Variants in CNTN4 observed in about 807,000 individuals in gnomAD.
CNTN4 encodes the protein contactin 4.
Under a neutral mutation model 122.5 loss-of-function variants are expected in CNTN4, and 77 were observed. The ratio of observed to expected loss-of-function variants is 0.63; its 90% CI spans 0.52 to 0.76. The LOEUF (loss-of-function observed/expected upper bound fraction) is 0.76, where lower values mean the gene tolerates loss of function less well. Among genes scored for constraint, CNTN4 ranks in the 30% least tolerant of loss-of-function variants. The pLI is 0.00. For missense variants in CNTN4, 1,256 were observed against 1,259.1 expected (o/e 1.00, Z 0.04); for synonymous variants, 512 against 447.0 (o/e 1.15, Z -1.83).
intron 6 of CNTN4, among the ~76,000 whole-genome samples, chr3:2,811,142 G>C (rs945231010): frequency 6.6e-6 from 1 of 152,060 alleles, no homozygotes; most frequent in African/African-American, 2.4e-5. Context: ...AGGTGCGGTG[G>C]CTCACACCTG....
chr3:2,489,409 C>A (rs746461847), intron 3 of CNTN4, among the ~76,000 whole-genome samples: 3 of 152,126 alleles, frequency 2.0e-5, no homozygotes, highest in Non-Finnish European at 4.4e-5. Flanking sequence ...GGAAAGAAGC[C>A]CTCACTCCCA....
intron 14 of CNTN4, among the ~76,000 whole-genome samples, chr3:3,023,505 G>C (rs1698467717): frequency 6.6e-6 from 1 of 152,168 alleles, no homozygotes; most frequent in South Asian, 2.1e-4. Context: ...ATTCAGAAAC[G>C]TGAGCCAGAA....
intron 13 of CNTN4, among the ~76,000 whole-genome samples, chr3:2,961,056 C>T (rs1290644659): frequency 4.8e-5 from 7 of 144,338 alleles, no homozygotes; most frequent in African/African-American, 1.5e-4. Flanking sequence ...CGGTGAAACC[C>T]CGTCTCTACT....
At chr3:2,246,999 A>C (rs2040181092) in intron 2 of CNTN4, among the ~76,000 whole-genome samples, 1 of 152,058 alleles carries the variant, frequency 6.6e-6, no homozygotes, top group African/African-American at 2.4e-5. Context: ...CAGCAACTGG[A>C]GGAGGTTGGT....
chr3:2,400,428 C>CATATATATATATATATATACATATATAT (rs2046808248), intron 3 of CNTN4, among the ~76,000 whole-genome samples: 26 of 95,812 alleles, frequency 2.7e-4, no homozygotes, highest in South Asian at 6.6e-4. Context: ...TATATATATA[C>CATATATATATATATATATACATATATAT]ATATATATAT....
intron 2 of CNTN4, among the ~76,000 whole-genome samples, chr3:2,308,004 A>G (rs1170441689): frequency 6.6e-6 from 1 of 152,106 alleles, no homozygotes; most frequent in African/African-American, 2.4e-5. Context: ...CATTTTGTGG[A>G]ATGTACCGGT....
chr3:2,760,875 C>G (rs1390387980), intron 6 of CNTN4, among the ~76,000 whole-genome samples: 1 of 152,182 alleles, frequency 6.6e-6, no homozygotes, highest in Non-Finnish European at 1.5e-5. Flanking sequence ...GTTCTATTGT[C>G]TGCAAACAAC....
intron 13 of CNTN4, among the ~76,000 whole-genome samples, chr3:2,987,637 C>T (rs1301732073): frequency 1.3e-5 from 2 of 152,204 alleles, no homozygotes; most frequent in Non-Finnish European, 2.9e-5. Context: ...TCCTACTTCT[C>T]TTCTGGTAGT....
chr3:2,178,991 T>A (rs1430595990), intron 2 of CNTN4, among the ~76,000 whole-genome samples: 1 of 152,094 alleles, frequency 6.6e-6, no homozygotes, highest in Non-Finnish European at 1.5e-5. Context: ...TTACTTATTC[T>A]ATGACATTTC....
At chr3:2,327,774 C>T (rs1376337117) in intron 2 of CNTN4, among the ~76,000 whole-genome samples, 1 of 152,126 alleles carries the variant, frequency 6.6e-6, no homozygotes, top group African/African-American at 2.4e-5. Flanking sequence ...TTGGAACCTC[C>T]CCTATTCTGG....
At chr3:2,372,427 A>ATGTG (rs1231865707) in intron 3 of CNTN4, among the ~76,000 whole-genome samples, 1 of 152,218 alleles carries the variant, frequency 6.6e-6, no homozygotes, top group African/African-American at 2.4e-5. Context: ...TTACCATAGG[A>ATGTG]TGTGACACAT....
At chr3:2,289,668 C>T (rs1296605751) in intron 2 of CNTN4, among the ~76,000 whole-genome samples, 1 of 152,084 alleles carries the variant, frequency 6.6e-6, no homozygotes, top group African/African-American at 2.4e-5. Flanking sequence ...ACCTTTCAAC[C>T]TTCAGTGCTT....
rs141573342 is a variant in CNTN4, at chr3:2,898,193, G to A, written c.941-2492G>A. On this transcript the variant is annotated intron_variant, in intron 10 of 24. Coordinates refer to ENST00000418658, the MANE Select transcript of CNTN4 (RefSeq NM_175607.3). ...TGCAAATGGCGTGTTAAGATAGACT[G>A]TCTCTCTTTGTCACATATATAATAT... Among the ~76,000 whole-genome samples the A allele has an allele frequency of 6.9e-3, 1,045 of 152,276 alleles. 11 individuals carry two copies. Among genetic ancestry groups the A allele is most frequent in the African/African-American group, 0.024 (992 of 41,544 alleles).
At chr3:2,381,007 T>C (rs1248826692) in intron 3 of CNTN4, among the ~76,000 whole-genome samples, 1 of 152,026 alleles carries the variant, frequency 6.6e-6, no homozygotes, top group African/African-American at 2.4e-5. Context: ...TTTGTTTTTT[T>C]CTTCCTTTTT....
intron 2 of CNTN4, among the ~76,000 whole-genome samples, chr3:2,172,559 C>CA (rs1049831527): frequency 1.5e-4 from 22 of 151,720 alleles, no homozygotes; most frequent in South Asian, 1.0e-3. Context: ...AAATAAAAAA[C>CA]AAAAAAAAGA....
At chr3:2,790,383 A>G (rs1264335313) in intron 6 of CNTN4, among the ~76,000 whole-genome samples, 1 of 152,220 alleles carries the variant, frequency 6.6e-6, no homozygotes, top group Non-Finnish European at 1.5e-5. Context: ...TAAATGACCC[A>G]GCCATCTAGG....
At chr3:2,600,640 G>A (rs2080999734) in intron 4 of CNTN4, among the ~76,000 whole-genome samples, 1 of 152,134 alleles carries the variant, frequency 6.6e-6, no homozygotes, top group African/African-American at 2.4e-5. Context: ...TTGCTATTGT[G>A]AATAGTGCCA....
chr3:2,716,715 A>C (rs1022537451), intron 4 of CNTN4, among the ~76,000 whole-genome samples: 1 of 152,148 alleles, frequency 6.6e-6, no homozygotes, highest in Non-Finnish European at 1.5e-5. Flanking sequence ...TATCACCACT[A>C]TCCACTTCCA....
intron 3 of CNTN4, among the ~76,000 whole-genome samples, chr3:2,419,334 A>C (rs562471820): frequency 2.6e-5 from 4 of 152,294 alleles, no homozygotes; most frequent in African/African-American, 9.6e-5. Context: ...TTTTAGGAAT[A>C]GAGTTAATAA....
Sources: allele counts gnomAD v4.1 joint callset (sites outside exome capture counted in the v4.1 genomes callset), GRCh38; gene constraint gnomAD v4.1.1; transcripts MANE v1.5; gene names NCBI Gene and HGNC (gene_info 2026-07-23, HGNC 2026-07-21).